Variants in TP73 observed in about 807,000 individuals in gnomAD.
TP73 encodes the protein tumor protein p73.
A neutral mutation model predicts 62.5 loss-of-function variants in TP73; 25 were observed. The ratio of observed to expected loss-of-function variants is 0.40; its 90% confidence interval spans 0.29 to 0.56. The LOEUF (loss-of-function observed/expected upper bound fraction) is 0.56, where lower values mean the gene tolerates loss of function less well. TP73 is among the 20% of genes least tolerant of loss of function. TP73 has a pLI of 0.46. For synonymous variants in TP73, 423 were observed against 377.5 expected (o/e 1.12, Z -1.40); for missense variants, 754 against 913.3 (o/e 0.83, Z 2.25).
chr1:3,682,303 T>C, intron 1 of TP73, 30 bp from the exon 2 acceptor site: 1 of 1,411,590 alleles, frequency 7.1e-7, no homozygotes. Context: ...GTTCCCAGGG[T>C]GCTCAGGTGT....
At chr1:3,674,463 G>A (rs1006497394) in intron 1 of TP73, among the ~76,000 whole-genome samples, 1 of 152,232 alleles carries the variant, frequency 6.6e-6, no homozygotes, top group Non-Finnish European at 1.5e-5. Context: ...GTGGCGGTGA[G>A]GGGGGCTCTC....
At chr1:3,693,758 A>G (rs34406439) in intron 3 of TP73, among the ~76,000 whole-genome samples, 8,538 of 95,206 alleles carry the variant, frequency 0.09, 140 homozygotes, top group Middle Eastern at 0.14. Flanking sequence ...TCCTCCTCCC[A>G]CAATCCCACC....
At chr1:3,687,138 A>G (rs985095918) in intron 3 of TP73, among the ~76,000 whole-genome samples, 4 of 152,156 alleles carry the variant, frequency 2.6e-5, no homozygotes, top group Admixed American at 6.5e-5. Context: ...AAGACCCTAC[A>G]TGGCTCACAG....
chr1:3,731,177 C>A, intron 12 of TP73, 112 bp downstream of exon 12: 1 of 1,443,448 alleles, frequency 6.9e-7, no homozygotes, highest in Non-Finnish European at 9.3e-7. Flanking sequence ...CACTCGCAAC[C>A]CTGGATCAGA....
chr1:3,717,914 C>G (rs1349776723), intron 4 of TP73, among the ~76,000 whole-genome samples: 3 of 152,204 alleles, frequency 2.0e-5, no homozygotes, highest in Non-Finnish European at 4.4e-5. Context: ...ATGTATGCCC[C>G]AAAGGCCATG....
At chr1:3,719,065 C>T (rs1188294708) in intron 4 of TP73, among the ~76,000 whole-genome samples, 2 of 152,178 alleles carry the variant, frequency 1.3e-5, no homozygotes, top group Non-Finnish European at 2.9e-5. Flanking sequence ...AGGGCCGGAC[C>T]TCAGAGGCCC....
intron 7 of TP73, 107 bp downstream of exon 7, chr1:3,727,331 A>G: frequency 1.7e-6 from 2 of 1,187,624 alleles, no homozygotes; most frequent in Non-Finnish European, 2.4e-6. Flanking sequence ...AGCTTGGGGA[A>G]GAGACTTTGG....
intron 3 of TP73, among the ~76,000 whole-genome samples, chr1:3,686,663 C>T (rs1230335653): frequency 1.3e-5 from 2 of 152,140 alleles, no homozygotes; most frequent in Admixed American, 1.3e-4. Flanking sequence ...AGACTGTGAG[C>T]TCTGTGTGGC....
chr1:3,731,313 T>C (rs7517037), intron 12 of TP73, 150 bp from the exon 13 acceptor site: 55,681 of 941,164 alleles, frequency 0.059, 3,210 homozygotes, highest in African/African-American at 0.23. Context: ...GTCCCCTCCC[T>C]GAGGGATGCC....
rs1187307634 is a variant in TP73 at position 3,699,907 on chromosome 1, A to C, written c.187-7642A>C. 6.6e-6 allele frequency among the ~76,000 whole-genome samples: 1 copy of C among 152,018 alleles called. No homozygotes were observed. Among genetic ancestry groups the C allele is most frequent in the Admixed American group, 6.5e-5 (1 of 15,272 alleles). On this transcript the variant is annotated intron_variant, in intron 3 of 13. Transcript: ENST00000378295. The surrounding 1 kb of genome is among the most constrained non-coding windows in gnomAD (Gnocchi z 4.1). ...TAGGATCAGAGGAATCTCTGTTTCCAAGAGAAGGGGGACTGCATGGCCAGA... is the reference window on the plus strand; with the variant it reads ...TAGGATCAGAGGAATCTCTGTTTCCCAGAGAAGGGGGACTGCATGGCCAGA...
intron 4 of TP73, among the ~76,000 whole-genome samples, chr1:3,718,433 C>CAGGGCGCTGCTGAG (rs1375940596): frequency 6.6e-6 from 1 of 152,178 alleles, no homozygotes; most frequent in African/African-American, 2.4e-5. Flanking sequence ...GCGGGCTCAG[C>CAGGGCGCTGCTGAG]AGGGCGCTGC....
At chr1:3,713,718 G>A (rs1011411839) in intron 4 of TP73, among the ~76,000 whole-genome samples, 1 of 152,200 alleles carries the variant, frequency 6.6e-6, no homozygotes, top group Non-Finnish European at 1.5e-5. Flanking sequence ...CTCAGGAAGA[G>A]GGGGACAGAC....
At chr1:3,667,128 G>T (rs1885859) in intron 1 of TP73, among the ~76,000 whole-genome samples, 1 of 151,984 alleles carries the variant, frequency 6.6e-6, no homozygotes, top group African/African-American at 2.4e-5. Context: ...GAATATGCCT[G>T]CGGAAGCAGG....
intron 6 of TP73, among the ~76,000 whole-genome samples, chr1:3,723,687 A>G (rs1474474342): frequency 6.6e-6 from 1 of 152,062 alleles, no homozygotes; most frequent in Non-Finnish European, 1.5e-5. Context: ...CTCTGTCCCC[A>G]CATCCGCCTC....
rs1645261476 is a variant in TP73, at chr1:3,672,401, G to A, written c.-33-9932G>A. Among the ~76,000 whole-genome samples the A allele has an allele frequency of 6.6e-6, 1 of 152,134 alleles. No individual in the cohort carries two copies. The highest frequency in any genetic ancestry group is 1.5e-5 in the Non-Finnish European group (1 of 68,006). ...TTGGGGTAGAAAGGGGGTGTGAGAG[G>A]AGGATCGGAGGGGGCAGAGGACAGG... On this transcript the variant is annotated intron_variant, in intron 1 of 13. Coordinates refer to ENST00000378295, the MANE Select transcript of TP73 (RefSeq NM_005427.4). This position sits in a 1 kb window ranked among gnomAD's most constrained non-coding sequence, Gnocchi z 5.3.
At position 3,670,597 on chromosome 1, in the gene TP73, C is replaced by T. The variant is rs149322468; in HGVS notation, c.-33-11736C>T. On this transcript the variant is annotated intron_variant, in intron 1 of 13. Coordinates refer to ENST00000378295, the MANE Select transcript of TP73 (RefSeq NM_005427.4). The surrounding 1 kb of genome is among the most constrained non-coding windows in gnomAD (Gnocchi z 5.9). ...AGAAGAATCATTTGAACCTGGAAGG[C>T]GGAGGTTGCAGTGAGCTGAGATCGT... is the stretch of plus-strand genomic sequence containing the variant. Among the ~76,000 whole-genome samples the T allele has an allele frequency of 8.7e-3, 1,326 of 152,108 alleles. 55 individuals carry two copies. The highest frequency in any genetic ancestry group is 0.075 in the Admixed American group (1,144 of 15,276).
chr1:3,708,038 G>A (rs1290165608), intron 4 of TP73: 9 of 605,592 alleles, frequency 1.5e-5, no homozygotes, highest in Non-Finnish European at 2.6e-5. Context: ...AGAGGGGACG[G>A]ACTTGGCCCT....
In TP73 at chr1:3,727,110, T is replaced by G; in HGVS notation, c.733-5T>G. On this transcript the variant is annotated splice_region_variant and splice_polypyrimidine_tract_variant and intron_variant, in intron 6 of 13. Coordinates refer to ENST00000378295, the MANE Select transcript of TP73 (RefSeq NM_005427.4). ...TAGCCCCTCTCCCTGCTCCCCCATGTGCAGGTGGGGACGGAATTCACCACC... is the reference window on the plus strand; with the variant it reads ...TAGCCCCTCTCCCTGCTCCCCCATGGGCAGGTGGGGACGGAATTCACCACC... The G allele has an allele frequency of 6.2e-7, 1 of 1,610,226 alleles. No individual in the cohort carries two copies. Among genetic ancestry groups the G allele is most frequent in the Non-Finnish European group, 8.5e-7 (1 of 1,178,112 alleles).
chr1:3,670,073 G>T lies in TP73; in HGVS notation c.-33-12260G>T, dbSNP rs376599736. 9.2e-5 allele frequency among the ~76,000 whole-genome samples: 14 copies of T among 152,172 alleles called. No individual in the cohort carries two copies. Among genetic ancestry groups the T allele is most frequent in the African/African-American group, 3.4e-4 (14 of 41,510 alleles). On this transcript the variant is annotated intron_variant, in intron 1 of 13. Transcript: ENST00000378295. This position sits in a 1 kb window ranked among gnomAD's most constrained non-coding sequence, Gnocchi z 5.9. ...GGCTCTTTGCAAAGTCTCCAGCCTGGCCTCCTGGATGGGCATGTGGCTCGG... is the reference window on the plus strand; with the variant it reads ...GGCTCTTTGCAAAGTCTCCAGCCTGTCCTCCTGGATGGGCATGTGGCTCGG...
Sources: allele counts gnomAD v4.1 joint callset (sites outside exome capture counted in the v4.1 genomes callset), GRCh38; gene constraint gnomAD v4.1.1; non-coding constraint Gnocchi (gnomAD v3.1); transcripts MANE v1.5; gene names NCBI Gene and HGNC (gene_info 2026-07-23, HGNC 2026-07-21).